Variants in NEBL observed in about 807,000 individuals in gnomAD.
The protein encoded by NEBL is nebulette.
In NEBL, 122 loss-of-function variants were observed where a neutral mutation model predicts 140.2. The ratio of observed to expected loss-of-function variants is 0.87; its 90% confidence interval spans 0.75 to 1.01. NEBL has a LOEUF of 1.01. Ranked by LOEUF, NEBL falls within the 50% of genes least tolerant of loss-of-function variation. The pLI is 0.00. For synonymous variants in NEBL, 436 were observed against 398.9 expected, an observed-to-expected ratio of 1.09 and a Z score of -1.11; for missense variants, 1,365 against 1,231.3, an observed-to-expected ratio of 1.11 and a Z score of -1.62.
At chr10:21,192,224 C>A (rs1390363872) in intron 3 of NEBL, among the ~76,000 whole-genome samples, 2 of 150,080 alleles carry the variant, frequency 1.3e-5, no homozygotes, top group East Asian at 2.0e-4. Flanking sequence ...TGGAGTCTCT[C>A]TCTGTCACCC....
At chr10:21,000,773 C>G (rs576082049) in intron 3 of NEBL, among the ~76,000 whole-genome samples, 46 of 152,226 alleles carry the variant, frequency 3.0e-4, no homozygotes, top group African/African-American at 1.0e-3. Flanking sequence ...TAAGATGTCT[C>G]TTGTCTTTCT....
chr10:20,972,765 A>T (rs567489586), intron 3 of NEBL, among the ~76,000 whole-genome samples: 16 of 144,298 alleles, frequency 1.1e-4, no homozygotes, highest in Middle Eastern at 3.9e-3. Flanking sequence ...AATAAAAATT[A>T]AAAAAAAAAT....
intron 3 of NEBL, among the ~76,000 whole-genome samples, chr10:21,195,038 A>G (rs1226950108): frequency 6.6e-6 from 1 of 152,178 alleles, no homozygotes; most frequent in Non-Finnish European, 1.5e-5. Context: ...CACAGGAGAG[A>G]AGTGCACGGG....
rs1182645219 is a variant in NEBL at position 21,173,520 on chromosome 10, C to T, written c.69+245G>A. 6.6e-6 allele frequency among the ~76,000 whole-genome samples: 1 copy of T among 152,184 alleles called. No individual in the cohort carries two copies. The highest frequency in any genetic ancestry group is 1.5e-5 in the Non-Finnish European group (1 of 68,036). On this transcript the variant is annotated intron_variant, in intron 1 of 6. Coordinates refer to the NEBL transcript ENST00000417816. This position sits in a 1 kb window ranked among gnomAD's most constrained non-coding sequence, Gnocchi z 5.7. The stretch of plus-strand genomic sequence containing the variant: ...CACCGCCGTGCGCCCTCCGCAGAGG[C>T]TCTGCCGATGTCGCACCGCCCCGCA...
Position 20,904,278 on chromosome 10 carries a change from A to T in NEBL, c.357+57394T>A, listed in dbSNP as rs776160271. 6.0e-4 allele frequency among the ~76,000 whole-genome samples: 91 copies of T among 152,272 alleles called. 2 individuals are homozygous for T. The highest frequency in any genetic ancestry group is 4.4e-5 in the Non-Finnish European group (3 of 68,028). ...AGACCCTTTTTGCACCTATTTGTAA[A>T]TGCATTTCAGCATTCCTTACTATGC... On this transcript the variant is annotated intron_variant, in intron 4 of 6. Transcript: ENST00000417816.
At chr10:21,157,125 T>G (rs1840364504) in intron 2 of NEBL, among the ~76,000 whole-genome samples, 1 of 152,188 alleles carries the variant, frequency 6.6e-6, no homozygotes, top group South Asian at 2.1e-4. Flanking sequence ...TTGAAAATAT[T>G]AGTGAAATCA....
chr10:21,259,805 C>T (rs903948505), intron 1 of NEBL, among the ~76,000 whole-genome samples: 1 of 152,150 alleles, frequency 6.6e-6, no homozygotes, highest in Non-Finnish European at 1.5e-5. Context: ...CTTTCCTTGG[C>T]CACAATATTG....
At chr10:20,992,407 T>C (rs1255799825) in intron 3 of NEBL, among the ~76,000 whole-genome samples, 1 of 151,744 alleles carries the variant, frequency 6.6e-6, no homozygotes, top group African/African-American at 2.4e-5. Context: ...CCCATAAGAG[T>C]CTTTAATTCC....
chr10:21,095,108 G>A (rs1837122704), intron 2 of NEBL, among the ~76,000 whole-genome samples: 1 of 152,166 alleles, frequency 6.6e-6, no homozygotes, highest in African/African-American at 2.4e-5. Context: ...CACATTCCAA[G>A]GCCTCATCTC....
At chr10:20,888,491 T>C (rs556102614) in intron 3 of NEBL, among the ~76,000 whole-genome samples, 52 of 152,360 alleles carry the variant, frequency 3.4e-4, no homozygotes, top group African/African-American at 1.2e-3. Flanking sequence ...TTTGTGTATA[T>C]TGACAGTTTC....
upstream of NEBL, chr10:21,174,194 C>A: frequency 3.6e-6 from 1 of 279,764 alleles, no homozygotes; most frequent in South Asian, 1.2e-4. Context: ...CAGGCCAAAC[C>A]CACCGGCGCG....
chr10:21,093,839 A>G, intron 2 of NEBL, among the ~76,000 whole-genome samples: 1 of 152,228 alleles, frequency 6.6e-6, no homozygotes, highest in East Asian at 1.9e-4. Context: ...TGGTTTCCTT[A>G]GCCTTCATTG....
upstream of NEBL, among the ~76,000 whole-genome samples, chr10:20,901,878 G>T (rs1847887638): frequency 6.6e-6 from 1 of 152,168 alleles, no homozygotes; most frequent in African/African-American, 2.4e-5. Context: ...GATGGACGAG[G>T]CAAGATAAAT....
rs189055949 is a variant in NEBL, at chr10:20,788,398, G to T, written c.2762-1090C>A. Among the ~76,000 whole-genome samples the T allele has an allele frequency of 2.6e-4, 39 of 152,090 alleles. 1 individual carries two copies. Among genetic ancestry groups the T allele is most frequent in the Middle Eastern group, 3.4e-3 (1 of 294 alleles). On this transcript the variant is annotated intron_variant, in intron 26 of 27. Coordinates refer to ENST00000377122, the MANE Select transcript of NEBL (RefSeq NM_006393.3). ...ATTCAGAACAGTTTTTATAATAAAA[G>T]AAATAAGATTTAATTCTGAGTGTTA...
chr10:21,108,458 A>G (rs627000), intron 2 of NEBL, among the ~76,000 whole-genome samples: 72,705 of 151,998 alleles, frequency 0.48, 20,114 homozygotes, highest in African/African-American at 0.76. Flanking sequence ...CAGTTTCCAC[A>G]TAGTTGTGCG....
At chr10:21,096,125 A>G (rs1228231941) in intron 2 of NEBL, among the ~76,000 whole-genome samples, 1 of 152,214 alleles carries the variant, frequency 6.6e-6, no homozygotes, top group Non-Finnish European at 1.5e-5. Context: ...ATATGTCAAA[A>G]TAATCCTGTT....
upstream of NEBL, among the ~76,000 whole-genome samples, chr10:21,178,286 A>G (rs1237474317): frequency 6.6e-6 from 1 of 152,250 alleles, no homozygotes; most frequent in Non-Finnish European, 1.5e-5. Flanking sequence ...AGTTATTGGT[A>G]GGCAGGATGT....
At chr10:21,140,884 A>C (rs1235862717) in intron 2 of NEBL, among the ~76,000 whole-genome samples, 1 of 152,038 alleles carries the variant, frequency 6.6e-6, no homozygotes, top group Non-Finnish European at 1.5e-5. Context: ...GGTGCAGCAA[A>C]CCACCATGGC....
chr10:20,950,818 G>A (rs914899078), intron 4 of NEBL, among the ~76,000 whole-genome samples: 1 of 152,178 alleles, frequency 6.6e-6, no homozygotes, highest in Admixed American at 6.5e-5. Flanking sequence ...TATCAAAAAT[G>A]ACAGTGTTAA....
Sources: allele counts gnomAD v4.1 joint callset (sites outside exome capture counted in the v4.1 genomes callset), GRCh38; gene constraint gnomAD v4.1.1; non-coding constraint Gnocchi (gnomAD v3.1); transcripts MANE v1.5; gene names NCBI Gene and HGNC (gene_info 2026-07-23, HGNC 2026-07-21).